PTPN14: variants seen among roughly 807,000 people sequenced by gnomAD.
PTPN14 encodes the protein tyrosine-protein phosphatase non-receptor type 14.
In PTPN14, 53 loss-of-function variants were observed where a neutral mutation model predicts 126.8. That is an observed-to-expected ratio of 0.42 (90% confidence interval 0.34 to 0.53). The LOEUF is 0.53. Ranked by LOEUF, PTPN14 falls within the 20% of genes least tolerant of loss-of-function variation. The pLI is 0.08. For synonymous variants in PTPN14, 630 were observed against 599.3 expected, an observed-to-expected ratio of 1.05 and a Z score of -0.75; for missense variants, 1,257 against 1,552.9, an observed-to-expected ratio of 0.81 and a Z score of 3.20.
rs780351631 is a variant in PTPN14 at position 214,399,308 on chromosome 1, TATAG to T, written c.670-1311_670-1308del. ...ACCCACCACACATCCTAGTGGACTA[TATAG>T]ATAGAGAGATAGATATTTTTTTCCT... On this transcript the variant is annotated intron_variant, in intron 7 of 18. Coordinates refer to ENST00000366956, the MANE Select transcript of PTPN14 (RefSeq NM_005401.5). Among the ~76,000 whole-genome samples the T allele has an allele frequency of 5.9e-4, 90 of 152,328 alleles. 1 individual carries two copies. The highest frequency in any genetic ancestry group is 1.1e-3 in the Non-Finnish European group (72 of 68,030).
chr1:214,388,099 A>AAAAAC (rs995201450), intron 11 of PTPN14, among the ~76,000 whole-genome samples: 13 of 152,334 alleles, frequency 8.5e-5, no homozygotes, highest in African/African-American at 2.9e-4. Context: ...TTTCAGAGAA[A>AAAAAC]AAAACAAAAC....
chr1:214,522,935 G>C (rs145898961), intron 1 of PTPN14, among the ~76,000 whole-genome samples: 3 of 152,140 alleles, frequency 2.0e-5, no homozygotes, highest in African/African-American at 4.8e-5. Context: ...GCAGTCACTC[G>C]GCCTATTCAG....
intron 1 of PTPN14, among the ~76,000 whole-genome samples, chr1:214,470,337 T>C (rs1435801895): frequency 2.0e-5 from 3 of 152,146 alleles, no homozygotes; most frequent in Non-Finnish European, 2.9e-5. Flanking sequence ...CTAATTTTTT[T>C]CAATACTGTG....
At chr1:214,509,265 G>C (rs1654913004) in intron 1 of PTPN14, among the ~76,000 whole-genome samples, 1 of 152,220 alleles carries the variant, frequency 6.6e-6, no homozygotes, top group African/African-American at 2.4e-5. Context: ...ATCTTAGCTA[G>C]ATCTTCTGGA....
chr1:214,482,518 A>G (rs1661013137), intron 1 of PTPN14, among the ~76,000 whole-genome samples: 1 of 152,016 alleles, frequency 6.6e-6, no homozygotes, highest in Non-Finnish European at 1.5e-5. Flanking sequence ...TTTTTAAAAC[A>G]CTGTAGTAGC....
intron 3 of PTPN14, among the ~76,000 whole-genome samples, chr1:214,422,231 CTCAT>C (rs1228657134): frequency 1.3e-5 from 2 of 152,186 alleles, no homozygotes; most frequent in African/African-American, 4.8e-5. Context: ...AGCAAAACTA[CTCAT>C]TCAGTGTGAA....
chr1:214,384,203 T>C lies in PTPN14; in HGVS notation c.1652A>G (p.His551Arg). 5 of 1,611,938 alleles carry C rather than the reference T, an allele frequency of 3.1e-6. No individual in the cohort carries two copies. The highest frequency in any genetic ancestry group is 4.2e-6 in the Non-Finnish European group (5 of 1,179,480). Reference protein sequence around the residue: ...ELANMQLQGSHNYSTAHMLKN... With the variant: ...ELANMQLQGSRNYSTAHMLKN... Reference sequence around the variant, plus strand: ...AAGCATGTGGGCCGTGCTGTAGTTATGGCTGCCCTGCAGCTGCATGTTGGC... The same window carrying C: ...AAGCATGTGGGCCGTGCTGTAGTTACGGCTGCCCTGCAGCTGCATGTTGGC... The change falls in exon 13 of 19, where the codon CAT (histidine) becomes CGT (arginine). Residue 551 changes from histidine (H) to arginine (R), a missense_variant. His to Arg is a conservative substitution (Grantham distance 29). Around this residue, in one of 3 missense-constraint regions of PTPN14, gnomAD observed 1,021 missense variants for 1,183.3 expected, o/e 0.86. Transcript: ENST00000366956. The surrounding 1 kb of genome is among the most constrained non-coding windows in gnomAD (Gnocchi z 5.3).
chr1:214,521,893 G>T (rs867917586), intron 1 of PTPN14, among the ~76,000 whole-genome samples: 1,717 of 110,082 alleles, frequency 0.016, 9 homozygotes, highest in African/African-American at 0.025. Context: ...GATTTTTGTT[G>T]TTTTTTTTTT....
chr1:214,493,030 G>A (rs1219114612), intron 1 of PTPN14, among the ~76,000 whole-genome samples: 3 of 152,182 alleles, frequency 2.0e-5, no homozygotes, highest in Non-Finnish European at 4.4e-5. Flanking sequence ...CCAACAGGCA[G>A]TGGTGGTGAC....
At chr1:214,545,642 C>T (rs1268388327) in intron 1 of PTPN14, among the ~76,000 whole-genome samples, 1 of 152,004 alleles carries the variant, frequency 6.6e-6, no homozygotes, top group Non-Finnish European at 1.5e-5. Flanking sequence ...GACTCAAACT[C>T]GAAGGGACCT....
At chr1:214,541,082 T>C (rs1169778897) in intron 1 of PTPN14, among the ~76,000 whole-genome samples, 1 of 151,676 alleles carries the variant, frequency 6.6e-6, no homozygotes, top group East Asian at 1.9e-4. Context: ...AAGCAAACAG[T>C]ACAGTATTAT....
rs150785694 is a variant in PTPN14, at chr1:214,377,280, A to G, written c.2688+679T>C. 4.7e-3 allele frequency among the ~76,000 whole-genome samples: 712 copies of G among 152,366 alleles called. 4 individuals are homozygous for G. Among genetic ancestry groups the G allele is most frequent in the African/African-American group, 0.016 (645 of 41,594 alleles). ...TAGCAAACTAAAGCAGAAACAGAAA[A>G]CCAAATACTGCATGTTGTCACTTAT... is the stretch of plus-strand genomic sequence containing the variant. On this transcript the variant is annotated intron_variant, in intron 14 of 18. Transcript: ENST00000366956.
intron 3 of PTPN14, among the ~76,000 whole-genome samples, chr1:214,445,427 C>T (rs4379654): frequency 0.058 from 8,835 of 152,142 alleles, 305 homozygotes; most frequent in South Asian, 0.15. Flanking sequence ...AACAGGCAGG[C>T]TACTAAGATG....
intron 2 of PTPN14, among the ~76,000 whole-genome samples, chr1:214,455,207 AATCCT>A (rs1660356631): frequency 6.6e-6 from 1 of 152,172 alleles, no homozygotes; most frequent in Non-Finnish European, 1.5e-5. Context: ...AGGAACTACT[AATCCT>A]GTCAAGCCCA....
chr1:214,426,014 A>G (rs1216167835), intron 3 of PTPN14, among the ~76,000 whole-genome samples: 1 of 142,656 alleles, frequency 7.0e-6, no homozygotes, highest in African/African-American at 2.6e-5. Context: ...TAGTTTCTAC[A>G]ATCTGGAGCA....
chr1:214,497,747 T>C (rs889436339), intron 1 of PTPN14, among the ~76,000 whole-genome samples: 4 of 152,216 alleles, frequency 2.6e-5, no homozygotes, highest in Admixed American at 2.0e-4. Context: ...TTGTTTCTAA[T>C]TTCTTTTTTC....
chr1:214,502,017 C>T (rs545381102), intron 1 of PTPN14, among the ~76,000 whole-genome samples: 8 of 145,206 alleles, frequency 5.5e-5, no homozygotes, highest in African/African-American at 2.1e-4. Flanking sequence ...CGAGACTGTG[C>T]CACTGCCCTC....
At chr1:214,460,701 G>A (rs554350705) in intron 2 of PTPN14, among the ~76,000 whole-genome samples, 8 of 152,114 alleles carry the variant, frequency 5.3e-5, no homozygotes, top group South Asian at 2.1e-4. Context: ...TTTCTGTACC[G>A]CAGCACAAGC....
intron 1 of PTPN14, among the ~76,000 whole-genome samples, chr1:214,539,109 A>G (rs181254383): frequency 6.6e-6 from 1 of 152,294 alleles, no homozygotes; most frequent in East Asian, 1.9e-4. Flanking sequence ...ATGTTTAATC[A>G]TTTTAACGAT....
Sources: gnomAD v4.1 joint callset for allele counts (sites outside exome capture counted in the v4.1 genomes callset) on GRCh38, gnomAD v4.1.1 for gene constraint, gnomAD v4.1.1 regional missense constraint, Gnocchi (gnomAD v3.1) non-coding constraint, MANE v1.5 for transcripts, NCBI Gene and HGNC (gene_info 2026-07-23, HGNC 2026-07-21) for gene names.